Variants in SNX16 observed in about 807,000 individuals in gnomAD.
The protein encoded by SNX16 is sorting nexin-16.
A neutral mutation model predicts 36.7 loss-of-function variants in SNX16; 35 were observed. The ratio of observed to expected loss-of-function variants is 0.95; its 90% confidence interval spans 0.73 to 1.27. The LOEUF (loss-of-function observed/expected upper bound fraction) is 1.27. Among genes scored for constraint, SNX16 ranks in the 50% most tolerant of loss-of-function variants. The pLI is 0.00. For synonymous variants in SNX16, 134 were observed against 132.0 expected (o/e 1.02, Z -0.10); for missense variants, 367 against 393.6 (o/e 0.93, Z 0.57).
chr8:81,817,254 T>C (rs918344072), intron 4 of SNX16, among the ~76,000 whole-genome samples: 1 of 152,234 alleles, frequency 6.6e-6, no homozygotes, highest in African/African-American at 2.4e-5. Flanking sequence ...TTAATGTTGC[T>C]TTTATGTTTA....
At chr8:81,830,579 TAAAA>T (rs752827905) in intron 2 of SNX16, among the ~76,000 whole-genome samples, 19 of 90,220 alleles carry the variant, frequency 2.1e-4, no homozygotes, top group African/African-American at 3.5e-4. Context: ...GTCTAGGGGG[TAAAA>T]AAAAAAAAAA....
At chr8:81,817,604 T>C (rs993760394) in intron 4 of SNX16, among the ~76,000 whole-genome samples, 8 of 152,216 alleles carry the variant, frequency 5.3e-5, no homozygotes, top group Non-Finnish European at 1.0e-4. Context: ...ACAATGTTAA[T>C]TTACATAAAA....
chr8:81,807,734 G>A (rs1207158962), intron 5 of SNX16: 29 of 627,896 alleles, frequency 4.6e-5, no homozygotes, highest in South Asian at 1.7e-4. Context: ...GGATGCCGCC[G>A]AAGAAGCATT....
chr8:81,841,740 T>C (rs1306570069), intron 1 of SNX16: 1 of 152,156 alleles, frequency 6.6e-6, no homozygotes, highest in Non-Finnish European at 1.5e-5. Flanking sequence ...TCATTCTCAC[T>C]CTGGAAAACC....
Position 81,840,050 on chromosome 8 carries a change from C to G in SNX16, c.-64G>C, listed in dbSNP as rs1811673661. The G allele has an allele frequency of 6.7e-7, 1 of 1,495,668 alleles. No individual in the cohort carries two copies. The highest frequency in any genetic ancestry group is 8.9e-7 in the Non-Finnish European group (1 of 1,122,962). The allele number at this position is 1,495,668 out of a possible 1,614,324, so 92.6% of individuals were successfully genotyped here. A position where few individuals can be genotyped will look rare whatever the true frequency, so the allele number is the denominator to read the frequency against. ...GTCCACTTAGAGAACAACTAATATG[C>G]AATCCATTATTTTCTTCTTAGGAAT... On this transcript the variant is annotated 5_prime_UTR_variant, in exon 2 of 8. Transcript: ENST00000345957.
chr8:81,823,434 T>A (rs1810866197), intron 4 of SNX16, among the ~76,000 whole-genome samples: 1 of 152,072 alleles, frequency 6.6e-6, no homozygotes, highest in African/African-American at 2.4e-5. Flanking sequence ...ATATTACCCT[T>A]ACAATTACAT....
chr8:81,830,649 T>C (rs958327094), intron 2 of SNX16, among the ~76,000 whole-genome samples: 2 of 150,598 alleles, frequency 1.3e-5, no homozygotes, highest in African/African-American at 4.9e-5. Context: ...TCCATGCTCA[T>C]GGATTGGAAG....
At chr8:81,838,363 A>T (rs1007318326) in intron 2 of SNX16, among the ~76,000 whole-genome samples, 1 of 152,166 alleles carries the variant, frequency 6.6e-6, no homozygotes, top group Non-Finnish European at 1.5e-5. Flanking sequence ...CCTGAAGAAA[A>T]AAGCTAAAGT....
At chr8:81,814,573 A>G (rs1459081751) in intron 5 of SNX16, 1 of 152,048 alleles carries the variant, frequency 6.6e-6, no homozygotes, top group African/African-American at 2.4e-5. Flanking sequence ...CTGCTCTATA[A>G]ATTTCCAAAA....
chr8:81,810,377 A>G (rs1810181706), intron 5 of SNX16, among the ~76,000 whole-genome samples: 1 of 152,110 alleles, frequency 6.6e-6, no homozygotes. Flanking sequence ...AATAAGTTTA[A>G]TTTTACACTC....
Position 81,836,257 on chromosome 8 carries a change from ACT to A in SNX16, c.375+3353_375+3354del, listed in dbSNP as rs554625662. Among the ~76,000 whole-genome samples the A allele has an allele frequency of 5.1e-4, 77 of 152,332 alleles. 1 individual carries two copies. Among genetic ancestry groups the A allele is most frequent in the African/African-American group, 1.7e-3 (71 of 41,576 alleles). ...TATCAGATCAAGAGTGAGTCCTAAT[ACT>A]TTTTTCAGTTATGAGAGCAATTCAA... On this transcript the variant is annotated intron_variant, in intron 2 of 7. Coordinates refer to ENST00000345957, the MANE Select transcript of SNX16 (RefSeq NM_152836.3).
chr8:81,833,591 T>A (rs1458281289), intron 2 of SNX16, among the ~76,000 whole-genome samples: 1 of 152,196 alleles, frequency 6.6e-6, no homozygotes, highest in East Asian at 1.9e-4. Context: ...GAATGACTGA[T>A]ACAGGATAAA....
In SNX16 at chr8:81,802,432, C is replaced by T; in HGVS notation, c.886G>A (p.Val296Met). 2.5e-6 allele frequency: 4 copies of T among 1,610,476 alleles called. No individual in the cohort carries two copies. The highest frequency in any genetic ancestry group is 3.4e-6 in the Non-Finnish European group (4 of 1,177,604). Residue 296 changes from valine to methionine, a missense_variant, in exon 7 of 8, where the codon GTG becomes ATG. Physicochemically the swap from Val to Met is conservative, Grantham distance 21 (BLOSUM62 1). Transcript: ENST00000345957. ...SETEGEQILK[V>M]ESSALEVDQD... ...TCAACCTCAAGTGCAGAGGACTCCA[C>T]CTTTAGGATCTGTTCACCTTCTGTT...
Position 81,840,064 on chromosome 8 carries a change from C to T in SNX16, c.-78G>A, listed in dbSNP as rs539400589. The T allele has an allele frequency of 6.2e-4, 897 of 1,454,922 alleles. 1 individual carries two copies. The highest frequency in any genetic ancestry group is 7.7e-4 in the Non-Finnish European group (837 of 1,092,328). 90.1% of individuals were successfully genotyped at this position (1,454,922 alleles called of 1,614,324 possible). A position where few individuals can be genotyped will look rare whatever the true frequency, so the allele number is the denominator to read the frequency against. On this transcript the variant is annotated 5_prime_UTR_variant, in exon 2 of 8. Transcript: ENST00000345957. ...CAACTAATATGCAATCCATTATTTTCTTCTTAGGAATTCACTATCTAAAAA... is the reference window on the plus strand; with the variant it reads ...CAACTAATATGCAATCCATTATTTTTTTCTTAGGAATTCACTATCTAAAAA...
In SNX16 at chr8:81,815,332, T is replaced by C. The variant is rs1425630563; in HGVS notation, c.674A>G (p.Glu225Gly). The C allele has an allele frequency of 1.2e-6, 2 of 1,612,202 alleles. No individual in the cohort carries two copies. Among genetic ancestry groups the C allele is most frequent in the Non-Finnish European group, 1.7e-6 (2 of 1,178,760 alleles). ...ATATAATACAGCACTTACCCTGCTT[T>C]CTTCTAGGCTATCAAATGGACCCGG... ...DPPGPFDSLEESRAFCETLEE... is the reference protein window; with the variant it reads ...DPPGPFDSLEGSRAFCETLEE... Residue 225 changes from glutamate (E) to glycine (G), a missense_variant, in exon 5 of 8, where the codon GAA becomes GGA. Coordinates refer to ENST00000345957, the MANE Select transcript of SNX16 (RefSeq NM_152836.3).
At chr8:81,818,459 A>T (rs545371265) in intron 4 of SNX16, among the ~76,000 whole-genome samples, 51 of 152,090 alleles carry the variant, frequency 3.4e-4, no homozygotes, top group Non-Finnish European at 7.2e-4. Context: ...GAATTATTGA[A>T]TTTTTTTTAA....
At position 81,825,128 on chromosome 8, in the gene SNX16, C is replaced by T. The variant is rs11994214; in HGVS notation, c.463-1188G>A. On this transcript the variant is annotated intron_variant, in intron 3 of 7. Coordinates refer to ENST00000345957, the MANE Select transcript of SNX16 (RefSeq NM_152836.3). ...GCTTAAAACTCACACAGCATTATTTCCACTGACCTCTATTGGGTTGAGTAG... is the reference window on the plus strand; with the variant it reads ...GCTTAAAACTCACACAGCATTATTTTCACTGACCTCTATTGGGTTGAGTAG... Among the ~76,000 whole-genome samples, 446 of 152,238 alleles carry T rather than the reference C, an allele frequency of 2.9e-3. 2 individuals are homozygous for T. Among genetic ancestry groups the T allele is most frequent in the African/African-American group, 0.01 (432 of 41,538 alleles).
intron 1 of SNX16, among the ~76,000 whole-genome samples, chr8:81,841,002 G>A (rs1266710925): frequency 6.6e-6 from 1 of 152,188 alleles, no homozygotes; most frequent in Admixed American, 6.5e-5. Context: ...TGGTGGGAAA[G>A]GTAAGAAATG....
chr8:81,823,227 A>T (rs954218321), intron 4 of SNX16, among the ~76,000 whole-genome samples: 2 of 151,678 alleles, frequency 1.3e-5, no homozygotes, highest in African/African-American at 4.8e-5. Context: ...TGATAACATA[A>T]GTTCCAAAAT....
Sources: allele counts gnomAD v4.1 joint callset (sites outside exome capture counted in the v4.1 genomes callset), GRCh38; gene constraint gnomAD v4.1.1; transcripts MANE v1.5; gene names NCBI Gene and HGNC (gene_info 2026-07-23, HGNC 2026-07-21).